FRMPD4: variants seen among roughly 807,000 people sequenced by gnomAD.
FRMPD4 encodes the protein FERM and PDZ domain-containing protein 4.
FRMPD4 carries 22 observed loss-of-function variants against 94.1 expected under a neutral mutation model. That is an observed-to-expected ratio of 0.23 (90% confidence interval 0.17 to 0.33). The LOEUF (loss-of-function observed/expected upper bound fraction) is 0.33. Ranked by LOEUF, FRMPD4 falls within the 10% of genes least tolerant of loss-of-function variation. The pLI is 1.00. For missense variants in FRMPD4, 1,111 were observed against 1,339.9 expected, an observed-to-expected ratio of 0.83 and a Z score of 2.67; for synonymous variants, 631 against 548.6, an observed-to-expected ratio of 1.15 and a Z score of -2.10.
In FRMPD4 at chrX:12,721,925, A is replaced by T; in HGVS notation, c.*67A>T. On this transcript the variant is annotated 3_prime_UTR_variant, in exon 17 of 17. Transcript: ENST00000675598. ...ATGAACTTTTATTTACTTTGTGTGT[A>T]TGATGAACAGATGTCTCCTTTCTTC... The T allele has an allele frequency of 2.1e-6, 1 of 480,593 alleles. No homozygotes were observed. Among genetic ancestry groups the T allele is most frequent in the Non-Finnish European group, 2.6e-6 (1 of 387,587 alleles). 39.6% of individuals were successfully genotyped at this position (480,593 alleles called of 1,213,427 possible).
At chrX:12,472,785 C>T (rs1217566001) in intron 1 of FRMPD4, among the ~76,000 whole-genome samples, 2 of 111,384 alleles carry the variant, frequency 1.8e-5, no homozygotes, top group African/African-American at 6.6e-5. Flanking sequence ...AAGAAATGAA[C>T]AAAGCCTCCA....
Position 12,650,480 on chromosome X carries a change from C to T in FRMPD4, c.423-24383C>T, listed in dbSNP as rs768231758. Among the ~76,000 whole-genome samples the T allele has an allele frequency of 8.0e-5, 9 of 112,056 alleles. No homozygotes were observed. In the East Asian group the frequency reaches 1.4e-3, roughly 17 times the overall value. ...CAAATATCTGTTTAATGAATTCCAA[C>T]GGTCTTTAAAGTTGAAGTGTAGGTG... On this transcript the variant is annotated intron_variant, in intron 4 of 16. Transcript: ENST00000675598.
chrX:12,392,204 C>T (rs1319555727), intron 1 of FRMPD4, among the ~76,000 whole-genome samples: 9 of 107,191 alleles, frequency 8.4e-5, no homozygotes, highest in Admixed American at 9.9e-5. Context: ...CCATGCCTGG[C>T]TAATTTTTGT....
rs750369376 is a variant in FRMPD4 at position 12,573,258 on chromosome X, T to C, written c.159-36463T>C. On this transcript the variant is annotated intron_variant, in intron 2 of 16. Transcript: ENST00000675598. ...GATCAAGTGCTTTGGCTTTGTACCT[T>C]TAAAGCACAACAGAGCTCTGCCTGT... Among the ~76,000 whole-genome samples, 12 of 112,369 alleles carry C rather than the reference T, an allele frequency of 1.1e-4. No individual in the cohort carries two copies. In the East Asian group the frequency reaches 3.3e-3, roughly 31 times the overall value.
At chrX:12,009,260 C>A (rs1021013476) in intron 3 of FRMPD4, among the ~76,000 whole-genome samples, 11 of 112,369 alleles carry the variant, frequency 9.8e-5, no homozygotes, top group African/African-American at 3.6e-4. Context: ...TCAAGTTGTA[C>A]ACCTTAAATA....
chrX:12,394,533 C>T (rs907390837), intron 1 of FRMPD4, among the ~76,000 whole-genome samples: 6 of 111,102 alleles, frequency 5.4e-5, no homozygotes, highest in African/African-American at 2.0e-4. Flanking sequence ...CTTTTTGATA[C>T]GTGAAGAATT....
intron 1 of FRMPD4, among the ~76,000 whole-genome samples, chrX:12,243,568 T>C (rs2053908273): frequency 9.0e-6 from 1 of 111,087 alleles, no homozygotes; most frequent in Admixed American, 9.6e-5. Flanking sequence ...GGCATCTCTA[T>C]AAGATTGCTT....
At chrX:12,407,426 T>C (rs780011295) in intron 1 of FRMPD4, among the ~76,000 whole-genome samples, 1 of 111,994 alleles carries the variant, frequency 8.9e-6, no homozygotes, top group East Asian at 2.8e-4. Context: ...ATCTACAAGC[T>C]GTGTGGACAT....
intron 3 of FRMPD4, among the ~76,000 whole-genome samples, chrX:11,911,369 G>C (rs772939973): frequency 2.6e-4 from 29 of 112,309 alleles, no homozygotes; most frequent in African/African-American, 8.1e-4. Context: ...ACAGTGGAAA[G>C]AAAGATGAAA....
At chrX:12,336,541 G>T (rs2055526358) in intron 1 of FRMPD4, among the ~76,000 whole-genome samples, 1 of 110,911 alleles carries the variant, frequency 9.0e-6, no homozygotes, top group Non-Finnish European at 1.9e-5. Flanking sequence ...TTAAATAGAG[G>T]CCTAGAGTAG....
At position 12,193,176 on chromosome X, in the gene FRMPD4, C is replaced by T. The variant is rs765663635; in HGVS notation, c.41+54164C>T. ...TTCCAAATCAGCTCTTCTTGTTTTT[C>T]ACCTATTTGTCCATCTCAGGGTTTT... On this transcript the variant is annotated intron_variant, in intron 1 of 16. Transcript: ENST00000675598. Among the ~76,000 whole-genome samples the T allele has an allele frequency of 1.1e-4, 12 of 111,319 alleles. No individual in the cohort carries two copies. The East Asian group carries it at 3.1e-3, about 29-fold the overall frequency.
intron 4 of FRMPD4, among the ~76,000 whole-genome samples, chrX:12,669,586 C>T (rs1199799236): frequency 8.9e-6 from 1 of 112,239 alleles, no homozygotes; most frequent in Non-Finnish European, 1.9e-5. Context: ...AAAATGTCCT[C>T]ATACTAATTT....
upstream of FRMPD4, among the ~76,000 whole-genome samples, chrX:12,137,364 C>A (rs182711487): frequency 8.9e-6 from 1 of 112,775 alleles, no homozygotes; most frequent in East Asian, 2.8e-4. Context: ...TTAAATATAA[C>A]AACAGACCAG....
intron 3 of FRMPD4, among the ~76,000 whole-genome samples, chrX:11,920,678 T>A (rs1324327600): frequency 8.9e-6 from 1 of 112,389 alleles, no homozygotes; most frequent in Non-Finnish European, 1.9e-5. Flanking sequence ...GCAGTTTTTT[T>A]ATTTGACAAA....
intron 1 of FRMPD4, among the ~76,000 whole-genome samples, chrX:12,479,129 AG>A (rs749972206): frequency 1.8e-5 from 2 of 110,994 alleles, no homozygotes; most frequent in African/African-American, 6.5e-5. Flanking sequence ...TTGAAAATAA[AG>A]CATAAACCAA....
chrX:12,638,147 G>A (rs914940532), intron 4 of FRMPD4, among the ~76,000 whole-genome samples: 4 of 112,320 alleles, frequency 3.6e-5, no homozygotes, highest in Non-Finnish European at 7.5e-5. Context: ...CTTTTTTCAC[G>A]TAACTGTATA....
At chrX:11,899,220 G>A (rs1303114562) in intron 3 of FRMPD4, among the ~76,000 whole-genome samples, 1 of 111,712 alleles carries the variant, frequency 9.0e-6, no homozygotes, top group African/African-American at 3.3e-5. Flanking sequence ...GATTGAGAAT[G>A]TATTTGCTTC....
At chrX:12,119,786 G>A (rs1021154381) in intron 3 of FRMPD4, among the ~76,000 whole-genome samples, 2 of 112,190 alleles carry the variant, frequency 1.8e-5, no homozygotes, top group African/African-American at 3.2e-5. Context: ...CATTCGCACC[G>A]CAAAGCTATG....
intron 1 of FRMPD4, among the ~76,000 whole-genome samples, chrX:12,451,929 T>C (rs1293555459): frequency 2.7e-5 from 3 of 111,259 alleles, no homozygotes; most frequent in Admixed American, 9.6e-5. Context: ...TTCTTTCTCT[T>C]TTCTAATCTT....
Sources: allele counts gnomAD v4.1 joint callset (sites outside exome capture counted in the v4.1 genomes callset), GRCh38; gene constraint gnomAD v4.1.1; transcripts MANE v1.5; gene names NCBI Gene and HGNC (gene_info 2026-07-23, HGNC 2026-07-21).